Variants in TSHZ2 observed in about 807,000 individuals in gnomAD.
The protein encoded by TSHZ2 is teashirt homolog 2.
Under a neutral mutation model 74.4 loss-of-function variants are expected in TSHZ2, and 21 were observed. The observed-to-expected ratio is 0.28, with a 90% CI of 0.20 to 0.41. TSHZ2 has a LOEUF of 0.41. Among genes scored for constraint, TSHZ2 ranks in the 10% least tolerant of loss-of-function variants. TSHZ2 has a pLI of 1.00. For missense variants in TSHZ2, 1,244 were observed against 1,293.5 expected (o/e 0.96, Z 0.59); for synonymous variants, 540 against 515.3 (o/e 1.05, Z -0.65).
At chr20:53,104,656 A>G (rs896103736) in intron 1 of TSHZ2, among the ~76,000 whole-genome samples, 3 of 152,326 alleles carry the variant, frequency 2.0e-5, no homozygotes, top group African/African-American at 7.2e-5. Flanking sequence ...CTTATGATGA[A>G]TACCATTCTT....
intron 1 of TSHZ2, among the ~76,000 whole-genome samples, chr20:53,183,656 G>C (rs767240467): frequency 1.3e-5 from 2 of 152,098 alleles, no homozygotes; most frequent in Non-Finnish European, 2.9e-5. Context: ...CAGCTCTCAG[G>C]AGTTTCCTGG....
chr20:53,200,211 CCT>C (rs1988968897), intron 1 of TSHZ2, among the ~76,000 whole-genome samples: 1 of 152,072 alleles, frequency 6.6e-6, no homozygotes, highest in Non-Finnish European at 1.5e-5. Flanking sequence ...TACACAGTCT[CCT>C]TGGGAACTTG....
At chr20:53,286,428 T>C (rs1991167546) in intron 2 of TSHZ2, among the ~76,000 whole-genome samples, 3 of 152,246 alleles carry the variant, frequency 2.0e-5, no homozygotes, top group South Asian at 4.1e-4. Context: ...TTAGAGATTC[T>C]TTTTCAGGGC....
intron 2 of TSHZ2, among the ~76,000 whole-genome samples, chr20:53,371,818 G>A (rs1311801549): frequency 6.6e-6 from 1 of 150,808 alleles, no homozygotes; most frequent in Non-Finnish European, 1.5e-5. Flanking sequence ...GGGTGTTGCA[G>A]TGAGCTGGAT....
chr20:53,271,530 C>T (rs1166771832), intron 2 of TSHZ2, among the ~76,000 whole-genome samples: 4 of 152,142 alleles, frequency 2.6e-5, no homozygotes, highest in African/African-American at 9.7e-5. Context: ...CTGCCCATCA[C>T]GGAAGGAAGA....
chr20:53,389,894 G>A (rs550785522), intron 2 of TSHZ2, among the ~76,000 whole-genome samples: 2 of 152,330 alleles, frequency 1.3e-5, no homozygotes, highest in South Asian at 2.1e-4. Flanking sequence ...ATAGCGCTGA[G>A]GTTGAAAAAG....
intron 1 of TSHZ2, among the ~76,000 whole-genome samples, chr20:53,107,004 A>G (rs1241578767): frequency 1.3e-5 from 2 of 151,894 alleles, no homozygotes; most frequent in Non-Finnish European, 2.9e-5. Context: ...GGCCCTTCTC[A>G]CACTTTCTAA....
At chr20:53,096,661 T>A (rs1331754571) in intron 1 of TSHZ2, among the ~76,000 whole-genome samples, 1 of 151,900 alleles carries the variant, frequency 6.6e-6, no homozygotes, top group East Asian at 1.9e-4. Flanking sequence ...GGGGGGTGGA[T>A]CACCTGAGGT....
intron 1 of TSHZ2, among the ~76,000 whole-genome samples, chr20:53,138,252 T>C (rs972998481): frequency 5.3e-5 from 8 of 151,854 alleles, no homozygotes; most frequent in African/African-American, 9.7e-5. Context: ...GGCGTGGTGG[T>C]GGGCGCCTGT....
At chr20:53,022,802 T>G (rs1341694960) in intron 1 of TSHZ2, among the ~76,000 whole-genome samples, 1 of 152,244 alleles carries the variant, frequency 6.6e-6, no homozygotes, top group Non-Finnish European at 1.5e-5. Flanking sequence ...TTGACTAAAA[T>G]AGGAGTTCCT....
intron 2 of TSHZ2, among the ~76,000 whole-genome samples, chr20:53,262,891 C>T (rs1212441470): frequency 6.6e-6 from 1 of 152,178 alleles, no homozygotes; most frequent in African/African-American, 2.4e-5. Flanking sequence ...CCAGCAGCCA[C>T]AGGCACATGT....
At chr20:53,315,288 CTT>C in intron 2 of TSHZ2, among the ~76,000 whole-genome samples, 1 of 151,748 alleles carries the variant, frequency 6.6e-6, no homozygotes, top group South Asian at 2.1e-4. Flanking sequence ...GTAAATAACA[CTT>C]TTCCTCTGGG....
chr20:53,194,548 T>C (rs977709570), intron 1 of TSHZ2, among the ~76,000 whole-genome samples: 1 of 152,242 alleles, frequency 6.6e-6, no homozygotes, highest in African/African-American at 2.4e-5. Context: ...TTGTAAATCA[T>C]ACCGAAGGGT....
chr20:53,135,373 G>T (rs1385939959), intron 1 of TSHZ2, among the ~76,000 whole-genome samples: 1 of 152,086 alleles, frequency 6.6e-6, no homozygotes, highest in Non-Finnish European at 1.5e-5. Flanking sequence ...TTTGAATAAT[G>T]TATATAGATA....
intron 2 of TSHZ2, among the ~76,000 whole-genome samples, chr20:53,418,353 G>A (rs1256767492): frequency 2.0e-5 from 3 of 152,210 alleles, no homozygotes; most frequent in Non-Finnish European, 4.4e-5. Context: ...GATGCAGCCT[G>A]AGGATGTCAT....
At chr20:53,111,660 T>C (rs1986537563) in intron 1 of TSHZ2, among the ~76,000 whole-genome samples, 1 of 152,068 alleles carries the variant, frequency 6.6e-6, no homozygotes, top group Admixed American at 6.5e-5. Flanking sequence ...TCCACCAGGG[T>C]TGATTCCAAG....
chr20:53,469,683 A>AGGAAGGAAGGAAGGAC (rs1555872454), intron 2 of TSHZ2, among the ~76,000 whole-genome samples: 1 of 82,598 alleles, frequency 1.2e-5, no homozygotes, highest in Admixed American at 1.2e-4. Flanking sequence ...GAAGGAAGGA[A>AGGAAGGAAGGAAGGAC]GGACGGACCC....
intron 1 of TSHZ2, among the ~76,000 whole-genome samples, chr20:53,028,538 A>G (rs889442662): frequency 3.3e-5 from 5 of 152,212 alleles, no homozygotes; most frequent in Admixed American, 3.3e-4. Context: ...AAGATGAAAG[A>G]TGGACTTTTT....
chr20:53,457,541 A>G (rs1200591376), intron 2 of TSHZ2, among the ~76,000 whole-genome samples: 1 of 128,422 alleles, frequency 7.8e-6, no homozygotes, highest in Non-Finnish European at 1.6e-5. Context: ...CTAATTGAAT[A>G]CCCTTTATTT....
Sources: gnomAD v4.1 joint callset for allele counts (sites outside exome capture counted in the v4.1 genomes callset) on GRCh38, gnomAD v4.1.1 for gene constraint, MANE v1.5 for transcripts, NCBI Gene and HGNC (gene_info 2026-07-23, HGNC 2026-07-21) for gene names.